The following PLCB4 variants were observed in gnomAD, a reference collection of about 807,000 sequenced individuals.
The protein encoded by PLCB4 is 1-phosphatidylinositol 4,5-bisphosphate phosphodiesterase beta-4.
Under a neutral mutation model 178.8 loss-of-function variants are expected in PLCB4, and 77 were observed. The observed-to-expected ratio is 0.43, with a 90% CI of 0.36 to 0.52. The LOEUF (loss-of-function observed/expected upper bound fraction) is 0.52, where lower values mean the gene tolerates loss of function less well. Ranked by LOEUF, PLCB4 falls within the 20% of genes least tolerant of loss-of-function variation. The probability of loss-of-function intolerance (pLI) is 0.00; values close to 1 mark genes in which losing one functional copy is unlikely to be tolerated. For missense variants in PLCB4, 1,024 were observed against 1,453.4 expected, an observed-to-expected ratio of 0.70 and a Z score of 4.80; for synonymous variants, 496 against 490.8, an observed-to-expected ratio of 1.01 and a Z score of -0.14.
At chr20:9,472,719 CT>C in intron 36 of PLCB4, 70 bp from the exon 37 acceptor site, 1 of 841,660 alleles carries the variant, frequency 1.2e-6, no homozygotes, top group Non-Finnish European at 1.9e-6. Flanking sequence ...GAATATAGCT[CT>C]TTATTATTTG....
intron 3 of PLCB4, among the ~76,000 whole-genome samples, chr20:9,300,704 C>A (rs541732099): frequency 6.6e-6 from 1 of 152,250 alleles, no homozygotes; most frequent in South Asian, 2.1e-4. Context: ...TTCTCTCTGT[C>A]TTCCTCTGAT....
intron 7 of PLCB4, among the ~76,000 whole-genome samples, chr20:9,358,755 C>T (rs1005450546): frequency 6.6e-6 from 1 of 152,088 alleles, no homozygotes; most frequent in African/African-American, 2.4e-5. Flanking sequence ...AAAAATTAGC[C>T]GAGAGTGGTG....
intron 4 of PLCB4, among the ~76,000 whole-genome samples, chr20:9,316,695 G>T (rs1162305652): frequency 6.6e-6 from 1 of 152,156 alleles, no homozygotes; most frequent in African/African-American, 2.4e-5. Context: ...ACTTCTTCCT[G>T]ATGTGAGAAG....
intron 2 of PLCB4, among the ~76,000 whole-genome samples, chr20:9,109,135 A>G (rs752866894): frequency 6.6e-6 from 1 of 152,166 alleles, no homozygotes; most frequent in Non-Finnish European, 1.5e-5. Context: ...ACAATATAGC[A>G]CGATCTTCAG....
intron 12 of PLCB4, among the ~76,000 whole-genome samples, chr20:9,378,382 T>C (rs907202667): frequency 3.9e-5 from 6 of 152,192 alleles, no homozygotes; most frequent in African/African-American, 1.4e-4. Context: ...ATATTATTTA[T>C]GGAGATGTGA....
rs549712285 is a variant in PLCB4, at chr20:9,192,174, G to A, written c.-78-25216G>A. On this transcript the variant is annotated intron_variant, in intron 2 of 39. Coordinates refer to ENST00000378473, the MANE Select transcript of PLCB4 (RefSeq NM_001377142.1). ...AGCAGAGTGAGCCATCGAGCCGGCAGTAGGGAGCTGTGTGCCATGATTGAT... is the reference window on the plus strand; with the variant it reads ...AGCAGAGTGAGCCATCGAGCCGGCAATAGGGAGCTGTGTGCCATGATTGAT... Among the ~76,000 whole-genome samples the A allele has an allele frequency of 4.6e-5, 7 of 152,314 alleles. No individual in the cohort carries two copies. The East Asian group carries it at 1.4e-3, about 29-fold the overall frequency.
chr20:9,101,968 C>G (rs550935225), intron 2 of PLCB4, among the ~76,000 whole-genome samples: 6 of 152,048 alleles, frequency 3.9e-5, no homozygotes, highest in African/African-American at 1.4e-4. Context: ...CCTCAGCCTC[C>G]TGTGTAGCTG....
chr20:9,109,305 C>A (rs1053115297), intron 2 of PLCB4, among the ~76,000 whole-genome samples: 1 of 152,102 alleles, frequency 6.6e-6, no homozygotes, highest in Non-Finnish European at 1.5e-5. Flanking sequence ...CCAACTCACA[C>A]TTCTGGTCCT....
chr20:9,395,468 G>T, intron 18 of PLCB4, 55 bp from the exon 19 acceptor site: 1 of 1,196,478 alleles, frequency 8.4e-7, no homozygotes, highest in Non-Finnish European at 1.2e-6. Context: ...CAAGGCCTAG[G>T]GTTTGTATGT....
At chr20:9,450,758 C>T (rs1348316811) in intron 32 of PLCB4, among the ~76,000 whole-genome samples, 1 of 147,610 alleles carries the variant, frequency 6.8e-6, no homozygotes, top group Non-Finnish European at 1.5e-5. Flanking sequence ...AAGCAATTCT[C>T]GTCCCTCAGC....
chr20:9,124,780 T>C (rs1368511359), intron 2 of PLCB4, among the ~76,000 whole-genome samples: 2 of 152,222 alleles, frequency 1.3e-5, no homozygotes, highest in East Asian at 3.9e-4. Flanking sequence ...ATATTCCTGA[T>C]CCCTTTTAAC....
intron 30 of PLCB4, among the ~76,000 whole-genome samples, chr20:9,441,095 A>G (rs1367820472): frequency 6.6e-6 from 1 of 152,202 alleles, no homozygotes. Flanking sequence ...TCTCATGCAT[A>G]TTGAATCACT....
chr20:9,355,078 T>A (rs1027239428), intron 7 of PLCB4, among the ~76,000 whole-genome samples: 1 of 152,158 alleles, frequency 6.6e-6, no homozygotes, highest in Non-Finnish European at 1.5e-5. Flanking sequence ...CCCAGGTGAT[T>A]CTAATGTACC....
chr20:9,275,610 G>C (rs1601562186), intron 3 of PLCB4, among the ~76,000 whole-genome samples: 1 of 151,976 alleles, frequency 6.6e-6, no homozygotes, highest in Non-Finnish European at 1.5e-5. Flanking sequence ...CCTGCCTCTA[G>C]CTCACGGCCA....
intron 3 of PLCB4, among the ~76,000 whole-genome samples, chr20:9,255,006 T>C (rs2147507239): frequency 6.6e-6 from 1 of 152,266 alleles, no homozygotes; most frequent in Middle Eastern, 3.4e-3. Context: ...CTCTAGTCAG[T>C]AAAAGAGATA....
At position 9,372,287 on chromosome 20, in the gene PLCB4, AT is replaced by A. The variant is rs776761907; in HGVS notation, c.586-12del. The A allele has an allele frequency of 2.1e-6, 3 of 1,425,188 alleles. No homozygotes were observed. In the East Asian group the frequency reaches 6.9e-5, roughly 33 times the overall value. 88.3% of individuals were successfully genotyped at this position (1,425,188 alleles called of 1,614,324 possible). On this transcript the variant is annotated splice_polypyrimidine_tract_variant and intron_variant, in intron 10 of 39. Transcript: ENST00000378473. ...AAACGGTTCTGTGATTCATAACATG[AT>A]TTTATTCCTTACAGAATGATGAAAT...
chr20:9,228,558 G>A (rs1371188512), intron 3 of PLCB4, among the ~76,000 whole-genome samples: 2 of 152,110 alleles, frequency 1.3e-5, no homozygotes, highest in Non-Finnish European at 2.9e-5. Flanking sequence ...ATAGAAAAGG[G>A]CTTTAACTAC....
At chr20:9,269,114 A>C (rs2147605785) in intron 3 of PLCB4, among the ~76,000 whole-genome samples, 1 of 152,340 alleles carries the variant, frequency 6.6e-6, no homozygotes, top group South Asian at 2.1e-4. Flanking sequence ...CCTCATGGGA[A>C]GTTTTTCTTT....
chr20:9,118,395 G>A (rs1343384919), intron 2 of PLCB4, among the ~76,000 whole-genome samples: 2 of 148,666 alleles, frequency 1.3e-5, no homozygotes, highest in African/African-American at 2.5e-5. Flanking sequence ...TAAAAGAGAC[G>A]GAAATAAAAA....
Sources: allele counts gnomAD v4.1 joint callset (sites outside exome capture counted in the v4.1 genomes callset), GRCh38; gene constraint gnomAD v4.1.1; transcripts MANE v1.5; gene names NCBI Gene and HGNC (gene_info 2026-07-23, HGNC 2026-07-21).